The following MAP3K9 variants were observed in gnomAD, a reference collection of about 807,000 sequenced individuals.
MAP3K9 encodes the protein mitogen-activated protein kinase kinase kinase 9.
A neutral mutation model predicts 95.8 loss-of-function variants in MAP3K9; 46 were observed. The observed-to-expected ratio is 0.48, with a 90% confidence interval of 0.38 to 0.61. MAP3K9 has a LOEUF of 0.61. Among genes scored for constraint, MAP3K9 ranks in the 20% least tolerant of loss-of-function variants. The pLI, the probability that MAP3K9 is intolerant of heterozygous loss-of-function variation, is 0.00. For synonymous variants in MAP3K9, 533 were observed against 593.8 expected, an observed-to-expected ratio of 0.90 and a Z score of 1.49; for missense variants, 1,296 against 1,474.3, an observed-to-expected ratio of 0.88 and a Z score of 1.98.
At chr14:70,735,866 C>T (rs868621137) in intron 9 of MAP3K9, 95 bp downstream of exon 9, 42 of 994,768 alleles carry the variant, frequency 4.2e-5, no homozygotes, top group South Asian at 6.5e-5. Context: ...CTGGCAATAA[C>T]GAGGCTTGAT....
At chr14:70,734,604 C>A in intron 9 of MAP3K9, 106 bp from the exon 10 acceptor site, 1 of 687,174 alleles carries the variant, frequency 1.5e-6, no homozygotes, top group Non-Finnish European at 2.6e-6. Flanking sequence ...CTTCATTCTA[C>A]CAAAGAACCT....
chr14:70,776,861 C>T (rs1308949593), intron 2 of MAP3K9, among the ~76,000 whole-genome samples: 2 of 149,886 alleles, frequency 1.3e-5, no homozygotes, highest in African/African-American at 2.5e-5. Context: ...AGAGAAGTCT[C>T]GCTCTTGTCC....
chr14:70,800,526 A>C, intron 2 of MAP3K9, 141 bp downstream of exon 2: 5 of 832,688 alleles, frequency 6.0e-6, no homozygotes, highest in African/African-American at 1.7e-5. Context: ...CACCTCCTAC[A>C]TCTCCATTCA....
At chr14:70,738,096 G>A (rs2054010246) in intron 8 of MAP3K9, 149 bp downstream of exon 8, 1 of 880,594 alleles carries the variant, frequency 1.1e-6, no homozygotes, top group East Asian at 2.9e-5. Context: ...AACTTGGAGG[G>A]TGAAAAACTG....
In MAP3K9 at chr14:70,725,072, A is replaced by C. The variant is rs138564279; in HGVS notation, c.*5308T>G. ...GGCAGGTCTGTTTCCAAGGGTTAAC[A>C]AAGAGAGGTGTGGAAAAGCTCAGCT... On this transcript the variant is annotated 3_prime_UTR_variant, in exon 12 of 12. Coordinates refer to ENST00000554752, the MANE Select transcript of MAP3K9 (RefSeq NM_001284230.2). 4 of 152,504 alleles carry C rather than the reference A, an allele frequency of 2.6e-5. No homozygotes were observed. The highest frequency in any genetic ancestry group is 4.8e-5 in the African/African-American group (2 of 41,578). 9.4% of individuals were successfully genotyped at this position (152,504 alleles called of 1,614,324 possible). A position where few individuals can be genotyped will look rare whatever the true frequency, so the allele number is the denominator to read the frequency against.
intron 5 of MAP3K9, among the ~76,000 whole-genome samples, chr14:70,744,056 C>T (rs565218074): frequency 2.3e-4 from 35 of 152,240 alleles, no homozygotes; most frequent in African/African-American, 7.7e-4. Context: ...TTTGCAGGGA[C>T]GTGGATGAAG....
intron 11 of MAP3K9, among the ~76,000 whole-genome samples, chr14:70,731,957 G>A (rs908411116): frequency 3.3e-5 from 5 of 152,086 alleles, no homozygotes; most frequent in Non-Finnish European, 7.4e-5. Context: ...GTCAGATGTC[G>A]AGGGCAGTCA....
At chr14:70,749,744 T>C (rs1355931772) in intron 4 of MAP3K9, 189 bp downstream of exon 4, 20 of 606,034 alleles carry the variant, frequency 3.3e-5, no homozygotes, top group Non-Finnish European at 5.4e-5. Flanking sequence ...CCTGGAGATA[T>C]GACTGCTTGC....
rs546356633 is a variant in MAP3K9, at chr14:70,730,521, C to T, written c.3174G>A (p.Gly1058=). 1 of 1,613,956 alleles carries T rather than the reference C, an allele frequency of 6.2e-7. No individual in the cohort carries two copies. The highest frequency in any genetic ancestry group is 2.2e-5 in the East Asian group (1 of 44,880). Reference sequence around the variant, plus strand: ...GCGTCCGCTCAGTCGGGGGCAGCGGCCCTGCCTGGAACGGGAGCAGGGCTG... The same window carrying T: ...GCGTCCGCTCAGTCGGGGGCAGCGGTCCTGCCTGGAACGGGAGCAGGGCTG... ...GLPALLPFQA[G]PLPPTERTLL... Residue 1058 remains glycine (G), a synonymous_variant, in exon 12 of 12, where the codon GGG becomes GGA. Coordinates refer to ENST00000554752, the MANE Select transcript of MAP3K9 (RefSeq NM_001284230.2).
Position 70,809,331 on chromosome 14 carries a change from G to A in MAP3K9, c.-160C>T. ...GGGCTGGGAGAGCCGGCTCGCCGGC[G>A]CTGTTACCGCGGTACGAGAAGAGCG... is the stretch of plus-strand genomic sequence containing the variant. On this transcript the variant is annotated 5_prime_UTR_variant, in exon 1 of 12. Transcript: ENST00000554752. 1 of 933,092 alleles carries A rather than the reference G, an allele frequency of 1.1e-6. No homozygotes were observed. The highest frequency in any genetic ancestry group is 1.4e-6 in the Non-Finnish European group (1 of 715,116). The allele number at this position is 933,092 out of a possible 1,614,324, so 57.8% of individuals were successfully genotyped here.
At chr14:70,754,446 T>A (rs529090590) in intron 3 of MAP3K9, among the ~76,000 whole-genome samples, 2 of 152,302 alleles carry the variant, frequency 1.3e-5, no homozygotes, top group South Asian at 4.1e-4. Flanking sequence ...TTTACCCATA[T>A]TTTCAAATTT....
In MAP3K9 at chr14:70,773,251, G is replaced by A. The variant is rs563392003; in HGVS notation, c.821-12069C>T. ...CGCACATCCAAGCAAGTGTCTCAAG[G>A]CCTCCAACTCTGAAGGGGTGAATGG... On this transcript the variant is annotated intron_variant, in intron 2 of 11. Transcript: ENST00000554752. 2.0e-5 allele frequency among the ~76,000 whole-genome samples: 3 copies of A among 152,292 alleles called. No homozygotes were observed. The South Asian group carries it at 6.2e-4, about 32-fold the overall frequency.
At chr14:70,806,736 A>T (rs1389533794) in intron 1 of MAP3K9, among the ~76,000 whole-genome samples, 1 of 152,236 alleles carries the variant, frequency 6.6e-6, no homozygotes, top group African/African-American at 2.4e-5. Flanking sequence ...AAGATATTGA[A>T]GAAACCGAGT....
chr14:70,745,212 CT>C lies in MAP3K9; in HGVS notation c.1327-2622del, dbSNP rs199647361. Among the ~76,000 whole-genome samples, 697 of 152,226 alleles carry C rather than the reference CT, an allele frequency of 4.6e-3. 26 individuals carry two copies. Among genetic ancestry groups the C allele is most frequent in the Admixed American group, 0.032 (487 of 15,290 alleles). On this transcript the variant is annotated intron_variant, in intron 5 of 11. Transcript: ENST00000554752. ...CTACACTTCTGTGGTCGAAACCTAA[CT>C]TCTTAATGAAATACTCACTATAAGT...
chr14:70,731,423 T>C (rs2053901561), intron 11 of MAP3K9, among the ~76,000 whole-genome samples: 1 of 152,154 alleles, frequency 6.6e-6, no homozygotes, highest in Admixed American at 6.5e-5. Context: ...CACTCCAGCC[T>C]GGGTGACAGA....
intron 11 of MAP3K9, 81 bp from the exon 12 acceptor site, chr14:70,730,945 C>T (rs560967542): frequency 1.4e-6 from 2 of 1,388,440 alleles, no homozygotes; most frequent in East Asian, 2.3e-5. Flanking sequence ...CCCCCAACAC[C>T]ACCATATCCC....
At chr14:70,733,723 A>C (rs1439874627) in intron 10 of MAP3K9, 2 of 718,296 alleles carry the variant, frequency 2.8e-6, no homozygotes, top group Middle Eastern at 2.3e-4. Context: ...GGAGACTAAG[A>C]TGGGAGTCAG....
chr14:70,764,490 G>A (rs972816715), intron 2 of MAP3K9, among the ~76,000 whole-genome samples: 1 of 151,726 alleles, frequency 6.6e-6, no homozygotes, highest in Non-Finnish European at 1.5e-5. Context: ...TGGAACCTAT[G>A]CCATGTCCCC....
Position 70,733,127 on chromosome 14 carries a change from G to T in MAP3K9, c.2242C>A (p.Arg748Ser). ...CAGCCGAGCAGAGCCACCTCGCAGC[G>T]GCGGTGGTGGGCACCGCCCCGCTTG... Reference protein sequence around the residue: ...SLKRGGAHHRRCEVALLGCGA... With the variant: ...SLKRGGAHHRSCEVALLGCGA... The change falls in exon 11 of 12, where the codon CGC becomes AGC. Residue 748 changes from arginine (R) to serine (S), a missense_variant. This residue lies in a region of MAP3K9 where 377 missense variants were observed against 417.1 expected (regional missense o/e 0.90). Transcript: ENST00000554752. 6.2e-7 allele frequency: 1 copy of T among 1,613,764 alleles called. No individual in the cohort carries two copies. Among genetic ancestry groups the T allele is most frequent in the Non-Finnish European group, 8.5e-7 (1 of 1,179,842 alleles).
Sources: gnomAD v4.1 joint callset for allele counts (sites outside exome capture counted in the v4.1 genomes callset) on GRCh38, gnomAD v4.1.1 for gene constraint, gnomAD v4.1.1 regional missense constraint, MANE v1.5 for transcripts, NCBI Gene and HGNC (gene_info 2026-07-23, HGNC 2026-07-21) for gene names.